Variants in SHTN1 observed in about 807,000 individuals in gnomAD.
The protein encoded by SHTN1 is shootin 1, also known as shootin-1.
In SHTN1, 42 loss-of-function variants were observed where a neutral mutation model predicts 83.1. The observed-to-expected ratio is 0.51, with a 90% CI of 0.39 to 0.65. The LOEUF (loss-of-function observed/expected upper bound fraction) is 0.65, where lower values mean the gene tolerates loss of function less well. Ranked by LOEUF, SHTN1 falls within the 30% of genes least tolerant of loss-of-function variation. The probability of loss-of-function intolerance (pLI) is 0.00; values close to 1 mark genes in which losing one functional copy is unlikely to be tolerated. For synonymous variants in SHTN1, 224 were observed against 247.7 expected (o/e 0.90, Z 0.90); for missense variants, 622 against 737.8 (o/e 0.84, Z 1.82).
chr10:116,939,046 C>T (rs749832927), intron 9 of SHTN1, among the ~76,000 whole-genome samples: 13 of 152,322 alleles, frequency 8.5e-5, no homozygotes, highest in Middle Eastern at 3.4e-3. Flanking sequence ...AGGTTGACCT[C>T]AGACTGCTGT....
chr10:116,911,905 A>AT, intron 13 of SHTN1, 62 bp from the exon 14 acceptor site: 1 of 1,195,726 alleles, frequency 8.4e-7, no homozygotes, highest in African/African-American at 1.5e-5. Flanking sequence ...CTAAACAATG[A>AT]TTTTTACATG....
At chr10:116,951,177 C>G (rs537223118) in intron 6 of SHTN1, among the ~76,000 whole-genome samples, 1 of 152,320 alleles carries the variant, frequency 6.6e-6, no homozygotes, top group South Asian at 2.1e-4. Flanking sequence ...GGTCCCAGCA[C>G]TTTGGGAGGC....
intron 5 of SHTN1, among the ~76,000 whole-genome samples, chr10:116,952,952 C>T (rs1454882376): frequency 2.6e-5 from 4 of 152,144 alleles, no homozygotes; most frequent in Non-Finnish European, 4.4e-5. Context: ...TGTTCAAGCT[C>T]GAACAGAAAG....
intron 1 of SHTN1, among the ~76,000 whole-genome samples, chr10:117,092,410 C>T (rs1002955871): frequency 5.3e-5 from 8 of 152,168 alleles, no homozygotes; most frequent in African/African-American, 1.9e-4. Context: ...CCAGAATTTG[C>T]GACAAATGCG....
chr10:117,119,059 T>C (rs1481527432), intron 1 of SHTN1, among the ~76,000 whole-genome samples: 2 of 152,332 alleles, frequency 1.3e-5, no homozygotes, highest in East Asian at 3.9e-4. Context: ...GGTCATTATG[T>C]TAAATGAAAC....
At chr10:117,121,614 A>G (rs1263525267) in intron 1 of SHTN1, among the ~76,000 whole-genome samples, 1 of 152,038 alleles carries the variant, frequency 6.6e-6, no homozygotes, top group African/African-American at 2.4e-5. Flanking sequence ...CATGTTTTAT[A>G]TACAGTCATA....
chr10:116,943,040 C>A (rs921026131), intron 8 of SHTN1, among the ~76,000 whole-genome samples: 1 of 152,170 alleles, frequency 6.6e-6, no homozygotes, highest in African/African-American at 2.4e-5. Flanking sequence ...TTTCTTCTCA[C>A]TATTGTGTAG....
At position 116,884,827 on chromosome 10, in the gene SHTN1, G is replaced by C. The variant is rs1254575499; in HGVS notation, c.*1517C>G. 6.4e-6 allele frequency: 1 copy of C among 155,578 alleles called. No homozygotes were observed. Among genetic ancestry groups the C allele is most frequent in the East Asian group, 1.9e-4 (1 of 5,236 alleles). The allele number at this position is 155,578 out of a possible 1,614,324, so 9.6% of individuals were successfully genotyped here. On this transcript the variant is annotated 3_prime_UTR_variant, in exon 17 of 17. Coordinates refer to ENST00000355371, the MANE Select transcript of SHTN1 (RefSeq NM_001127211.3). ...GAAACTATTGGTGCCTTTTTAATAA[G>C]TTGTGGTGAGGAGAGTTCAAATTAC...
intron 1 of SHTN1, among the ~76,000 whole-genome samples, chr10:117,069,329 C>G (rs1485861172): frequency 2.0e-5 from 3 of 152,076 alleles, no homozygotes; most frequent in Non-Finnish European, 4.4e-5. Context: ...TTAGAGCAAG[C>G]TGAAGAACGA....
intron 2 of SHTN1, among the ~76,000 whole-genome samples, chr10:117,023,346 C>CGAT (rs375910360): frequency 5.9e-5 from 9 of 152,228 alleles, no homozygotes; most frequent in African/African-American, 2.2e-4. Flanking sequence ...AGTCCCATCC[C>CGAT]CTTCCTAGAT....
intron 2 of SHTN1, among the ~76,000 whole-genome samples, chr10:116,978,138 T>C (rs972768046): frequency 6.6e-6 from 1 of 152,168 alleles, no homozygotes; most frequent in African/African-American, 2.4e-5. Flanking sequence ...AAAAATCCCT[T>C]ATAATCGGCT....
chr10:117,097,744 TA>T (rs536018102), intron 1 of SHTN1, among the ~76,000 whole-genome samples: 4 of 152,130 alleles, frequency 2.6e-5, no homozygotes, highest in African/African-American at 7.2e-5. Flanking sequence ...ACTACCCAAA[TA>T]AAAAAAGTTT....
chr10:116,919,936 T>C (rs955681494), intron 12 of SHTN1, among the ~76,000 whole-genome samples: 1 of 151,940 alleles, frequency 6.6e-6, no homozygotes, highest in African/African-American at 2.4e-5. Flanking sequence ...AAAAACTAAG[T>C]CCAAACTTCA....
rs553602569 is a variant in SHTN1 at position 117,063,603 on chromosome 10, T to C, written c.-188-15093A>G. 6.5e-4 allele frequency among the ~76,000 whole-genome samples: 99 copies of C among 152,292 alleles called. 1 individual carries two copies. Among genetic ancestry groups the C allele is most frequent in the African/African-American group, 2.4e-3 (99 of 41,558 alleles). ...TTATGTGCCCTTAATTGATATAGCT[T>C]CCTATTGCTCTTGAGAAAAATGCAA... On this transcript the variant is annotated intron_variant, in intron 1 of 17. Transcript: ENST00000392901.
intron 3 of SHTN1, among the ~76,000 whole-genome samples, chr10:116,960,544 T>C (rs915198745): frequency 9.8e-5 from 15 of 152,362 alleles, no homozygotes; most frequent in African/African-American, 2.9e-4. Context: ...CATAGACATA[T>C]GTGCTAGTTT....
intron 2 of SHTN1, among the ~76,000 whole-genome samples, chr10:117,022,980 C>T (rs1174531673): frequency 5.9e-5 from 9 of 152,098 alleles, no homozygotes; most frequent in Non-Finnish European, 1.3e-4. Flanking sequence ...TTCAAGTCTC[C>T]AATTTATTTT....
intron 2 of SHTN1, among the ~76,000 whole-genome samples, chr10:117,032,525 A>T (rs1852433502): frequency 1.3e-5 from 2 of 152,160 alleles, no homozygotes; most frequent in Admixed American, 1.3e-4. Flanking sequence ...TTAAATAAAC[A>T]TGCACCCAAC....
intron 4 of SHTN1, among the ~76,000 whole-genome samples, chr10:116,957,511 C>T (rs1850028288): frequency 6.6e-6 from 1 of 151,314 alleles, no homozygotes; most frequent in African/African-American, 2.4e-5. Context: ...ACCTCAGCCT[C>T]CCAAAGTGCT....
chr10:116,940,324 T>C (rs1849321890), intron 9 of SHTN1, 142 bp downstream of exon 9: 1 of 691,368 alleles, frequency 1.4e-6, no homozygotes, highest in African/African-American at 1.8e-5. Context: ...TTCTAAAAGG[T>C]GGTTGAAAGC....
Sources: allele counts gnomAD v4.1 joint callset (sites outside exome capture counted in the v4.1 genomes callset), GRCh38; gene constraint gnomAD v4.1.1; transcripts MANE v1.5; gene names NCBI Gene and HGNC (gene_info 2026-07-23, HGNC 2026-07-21).